Variants in DDX4 observed in about 807,000 individuals in gnomAD.
The protein encoded by DDX4 is probable ATP-dependent RNA helicase DDX4.
Under a neutral mutation model 100.0 loss-of-function variants are expected in DDX4, and 25 were observed. That is an observed-to-expected ratio of 0.25 (90% confidence interval 0.18 to 0.35). DDX4 has a LOEUF of 0.35. Ranked by LOEUF, DDX4 falls within the 10% of genes least tolerant of loss-of-function variation. DDX4 has a pLI of 1.00. For synonymous variants in DDX4, 259 were observed against 275.7 expected, an observed-to-expected ratio of 0.94 and a Z score of 0.60; for missense variants, 635 against 882.4, an observed-to-expected ratio of 0.72 and a Z score of 3.55.
chr5:55,746,079 G>A, intron 2 of DDX4, 85 bp from the exon 3 acceptor site: 1 of 1,054,344 alleles, frequency 9.5e-7, no homozygotes, highest in Non-Finnish European at 1.4e-6. Flanking sequence ...AAGCTCAATT[G>A]TTATAATTTT....
At chr5:55,780,091 T>C (rs758817757) in intron 8 of DDX4, 26 bp downstream of exon 8, 1 of 1,612,068 alleles carries the variant, frequency 6.2e-7, no homozygotes, top group East Asian at 2.2e-5. Context: ...GCAAATGATG[T>C]GCTTCATTAA....
chr5:55,790,591 T>C lies in DDX4; in HGVS notation c.1188T>C (p.Ala396=), dbSNP rs1397140265. The C allele has an allele frequency of 6.3e-7, 1 of 1,596,256 alleles. No individual in the cohort carries two copies. Among genetic ancestry groups the C allele is most frequent in the South Asian group, 1.1e-5 (1 of 90,422 alleles). The change falls in exon 16 of 22, where the codon GCT becomes GCC. Residue 396 remains alanine, a synonymous_variant. Coordinates refer to ENST00000505374, the MANE Select transcript of DDX4 (RefSeq NM_024415.3). ...RKFSFGTCVR[A]VVIYGGTQLG... is the part of the protein sequence containing the mutation. The stretch of plus-strand genomic sequence containing the variant: ...TTGTTAATAGGACTTGTGTAAGAGC[T>C]GTTGTTATATATGGGGGAACCCAGC...
chr5:55,749,070 T>C (rs1759399201), intron 3 of DDX4, among the ~76,000 whole-genome samples: 1 of 152,180 alleles, frequency 6.6e-6, no homozygotes, highest in African/African-American at 2.4e-5. Context: ...AAACAACTGG[T>C]ATTATCTGAT....
intron 3 of DDX4, among the ~76,000 whole-genome samples, chr5:55,752,569 A>C (rs866617388): frequency 0.021 from 2,983 of 144,972 alleles, 127 homozygotes; most frequent in African/African-American, 0.075. Flanking sequence ...ACATTTTCTT[A>C]ATCCAGTCTA....
At chr5:55,786,786 T>A in intron 14 of DDX4, 116 bp downstream of exon 14, 1 of 768,120 alleles carries the variant, frequency 1.3e-6, no homozygotes, top group Non-Finnish European at 2.2e-6. Flanking sequence ...TTACCTGTCA[T>A]AAGTATTGAT....
intron 18 of DDX4, among the ~76,000 whole-genome samples, chr5:55,808,967 G>T (rs1294243593): frequency 6.6e-6 from 1 of 152,226 alleles, no homozygotes; most frequent in South Asian, 2.1e-4. Context: ...GCTCCACCCA[G>T]TTCGAGCTTC....
At chr5:55,802,699 T>C (rs1034141160) in intron 18 of DDX4, among the ~76,000 whole-genome samples, 1 of 152,222 alleles carries the variant, frequency 6.6e-6, no homozygotes, top group African/African-American at 2.4e-5. Flanking sequence ...CTCTGATCTA[T>C]AGCTTACAGC....
intron 18 of DDX4, among the ~76,000 whole-genome samples, chr5:55,808,813 T>G (rs1381387542): frequency 6.6e-6 from 1 of 152,174 alleles, no homozygotes; most frequent in East Asian, 1.9e-4. Flanking sequence ...TCTGGCTGCG[T>G]GCTGGGAGAA....
chr5:55,797,017 T>A (rs1743006099), intron 17 of DDX4, among the ~76,000 whole-genome samples: 5 of 151,746 alleles, frequency 3.3e-5, no homozygotes, highest in Admixed American at 3.3e-4. Context: ...GCTAATTTTT[T>A]ATTTTTTGTA....
At chr5:55,815,917 A>G (rs552383461) in intron 21 of DDX4, among the ~76,000 whole-genome samples, 1 of 145,190 alleles carries the variant, frequency 6.9e-6, no homozygotes, top group Non-Finnish European at 1.5e-5. Flanking sequence ...GATTACAGGC[A>G]TGTGCCACCA....
intron 10 of DDX4, among the ~76,000 whole-genome samples, chr5:55,784,203 A>T (rs1411787540): frequency 6.6e-6 from 1 of 152,134 alleles, no homozygotes; most frequent in Admixed American, 6.5e-5. Context: ...GGGCGGAGTC[A>T]GGGGGCGGGG....
At position 55,755,989 on chromosome 5, in the gene DDX4, G is replaced by A. The variant is rs150197301; in HGVS notation, c.128-4211G>A. ...CCTATAAATGGCAGTCATATAAAAT[G>A]GCGTCATACATTGTGTTCTTTTTTT... On this transcript the variant is annotated intron_variant, in intron 3 of 21. Transcript: ENST00000505374. 1.8e-3 allele frequency among the ~76,000 whole-genome samples: 269 copies of A among 152,238 alleles called. 2 individuals carry two copies. Among genetic ancestry groups the A allele is most frequent in the African/African-American group, 6.1e-3 (254 of 41,558 alleles).
At chr5:55,791,860 C>A (rs1197851953) in intron 16 of DDX4, among the ~76,000 whole-genome samples, 1 of 152,060 alleles carries the variant, frequency 6.6e-6, no homozygotes, top group African/African-American at 2.4e-5. Context: ...GCCTATAATC[C>A]CAGCACTTTG....
chr5:55,769,774 G>A (rs1272101864), intron 7 of DDX4, among the ~76,000 whole-genome samples: 1 of 152,064 alleles, frequency 6.6e-6, no homozygotes, highest in Non-Finnish European at 1.5e-5. Flanking sequence ...TATACTACAA[G>A]GCTGTAATAA....
intron 18 of DDX4, among the ~76,000 whole-genome samples, chr5:55,804,683 T>C (rs1743575841): frequency 6.6e-6 from 1 of 152,112 alleles, no homozygotes; most frequent in African/African-American, 2.4e-5. Context: ...TTGATCTATA[T>C]CTCTGTTTTG....
chr5:55,807,659 C>T (rs1027483812), intron 18 of DDX4, among the ~76,000 whole-genome samples: 5 of 152,216 alleles, frequency 3.3e-5, no homozygotes, highest in African/African-American at 1.2e-4. Context: ...CCCCCACTCT[C>T]TTCTGACTTG....
At chr5:55,764,526 A>G (rs1740767681) in intron 6 of DDX4, among the ~76,000 whole-genome samples, 1 of 152,138 alleles carries the variant, frequency 6.6e-6, no homozygotes, top group African/African-American at 2.4e-5. Flanking sequence ...GAATGATGAA[A>G]ATAATGATAC....
intron 5 of DDX4, 148 bp from the exon 6 acceptor site, chr5:55,763,866 T>G: frequency 3.4e-6 from 2 of 590,920 alleles, no homozygotes; most frequent in South Asian, 2.2e-5. Flanking sequence ...CAGAAATTGT[T>G]GTACAGCCTG....
chr5:55,785,067 T>C (rs550804139), intron 10 of DDX4, among the ~76,000 whole-genome samples: 131 of 152,326 alleles, frequency 8.6e-4, no homozygotes, highest in African/African-American at 2.8e-3. Context: ...GAAAGAAATA[T>C]AACAGTTTAA....
Sources: allele counts gnomAD v4.1 joint callset (sites outside exome capture counted in the v4.1 genomes callset), GRCh38; gene constraint gnomAD v4.1.1; transcripts MANE v1.5; gene names NCBI Gene and HGNC (gene_info 2026-07-23, HGNC 2026-07-21).